Variants in ADGRG3 observed in about 807,000 individuals in gnomAD.
The protein encoded by ADGRG3 is adhesion G protein-coupled receptor G3.
ADGRG3 carries 39 observed loss-of-function variants against 54.3 expected under a neutral mutation model. The ratio of observed to expected loss-of-function variants is 0.72; its 90% CI spans 0.56 to 0.94. The LOEUF (loss-of-function observed/expected upper bound fraction) is 0.94. Among genes scored for constraint, ADGRG3 ranks in the 40% least tolerant of loss-of-function variants. The pLI, the probability that ADGRG3 is intolerant of heterozygous loss-of-function variation, is 0.00. For missense variants in ADGRG3, 654 were observed against 694.6 expected (o/e 0.94, Z 0.66); for synonymous variants, 312 against 290.0 (o/e 1.08, Z -0.77).
intron 1 of ADGRG3, among the ~76,000 whole-genome samples, chr16:57,669,816 G>A (rs1436487170): frequency 6.6e-6 from 1 of 152,204 alleles, no homozygotes; most frequent in African/African-American, 2.4e-5. Context: ...TGTGGTGGGG[G>A]CTCGCATGTG....
chr16:57,687,355 A>T (rs1364861300), intron 11 of ADGRG3, among the ~76,000 whole-genome samples: 1 of 152,002 alleles, frequency 6.6e-6, no homozygotes, highest in Non-Finnish European at 1.5e-5. Flanking sequence ...GGTTCAAGTA[A>T]TTCTTCTGGT....
Position 57,676,263 on chromosome 16 carries a change from T to C in ADGRG3, c.270T>C (p.Pro90=), listed in dbSNP as rs371122442. Residue 90 remains proline, a synonymous_variant, in exon 3 of 12, where the codon CCT becomes CCC. Coordinates refer to ENST00000333493, the MANE Select transcript of ADGRG3 (RefSeq NM_170776.5). ...GTTTGACGCAGAAGGTGAACACGCC[T>C]TTCCTGAAGGCTTTGGTCCAGAACC... is the stretch of plus-strand genomic sequence containing the variant. The part of the protein sequence containing the change: ...KEGLTQKVNT[P]FLKALVQNLS... The C allele has an allele frequency of 1.4e-5, 22 of 1,614,028 alleles. No individual in the cohort carries two copies. The African/African-American group carries it at 2.7e-4, about 20-fold the overall frequency.
At chr16:57,674,666 A>AT (rs1379662761) in intron 2 of ADGRG3, 13 of 415,366 alleles carry the variant, frequency 3.1e-5, no homozygotes, top group African/African-American at 2.7e-4. Context: ...GCCCAAAAGA[A>AT]TTTAAAACAA....
In ADGRG3 at chr16:57,676,252, G is replaced by A; in HGVS notation, c.259G>A (p.Val87Met). The A allele has an allele frequency of 6.2e-7, 1 of 1,614,092 alleles. No homozygotes were observed. The highest frequency in any genetic ancestry group is 1.1e-5 in the South Asian group (1 of 91,078). Residue 87 changes from valine to methionine, a missense_variant, in exon 3 of 12, where the codon GTG becomes ATG. Physicochemically the swap from Val to Met is conservative, Grantham distance 21. Coordinates refer to ENST00000333493, the MANE Select transcript of ADGRG3 (RefSeq NM_170776.5). The stretch of plus-strand genomic sequence containing the variant: ...GATGAAGGAAGGTTTGACGCAGAAG[G>A]TGAACACGCCTTTCCTGAAGGCTTT... ...HLMKEGLTQK[V>M]NTPFLKALVQ...
chr16:57,677,858 A>T (rs895257551), intron 3 of ADGRG3, among the ~76,000 whole-genome samples: 11 of 152,220 alleles, frequency 7.2e-5, no homozygotes, highest in African/African-American at 2.4e-5. Flanking sequence ...CCAAAAGCAC[A>T]TGCCCTCCAG....
In ADGRG3 at chr16:57,678,525, G is replaced by A. The variant is rs1367856373; in HGVS notation, c.492+209G>A. On this transcript the variant is annotated intron_variant, in intron 4 of 11. Transcript: ENST00000333493. ...GACTCACACTGGTCACACGCTCTCA[G>A]ATGTTTGACCCCCACACATGAGTGC... The A allele has an allele frequency of 2.2e-5, 13 of 585,308 alleles. No homozygotes were observed. In the Admixed American group the frequency reaches 3.3e-4, roughly 15 times the overall value. 36.3% of individuals were successfully genotyped at this position (585,308 alleles called of 1,614,324 possible).
intron 1 of ADGRG3, among the ~76,000 whole-genome samples, chr16:57,670,004 C>T (rs1186357083): frequency 6.6e-6 from 1 of 152,178 alleles, no homozygotes; most frequent in African/African-American, 2.4e-5. Context: ...GGAGTGGCCC[C>T]CTGGGCTTCT....
Position 57,672,414 on chromosome 16 carries a change from T to C in ADGRG3, c.59-907T>C, listed in dbSNP as rs142235615. Among the ~76,000 whole-genome samples the C allele has an allele frequency of 3.2e-3, 485 of 152,348 alleles. 2 individuals are homozygous for C. Among genetic ancestry groups the C allele is most frequent in the Middle Eastern group, 0.01 (3 of 294 alleles). ...AATGATGTACTTATAAATACTTGCATATGCATACCTTCTGCAAAATTTCCA... is the reference window on the plus strand; with the variant it reads ...AATGATGTACTTATAAATACTTGCACATGCATACCTTCTGCAAAATTTCCA... On this transcript the variant is annotated intron_variant, in intron 1 of 11. Coordinates refer to ENST00000333493, the MANE Select transcript of ADGRG3 (RefSeq NM_170776.5).
rs765405508 is a variant in ADGRG3, at chr16:57,678,219, G to A, written c.395G>A (p.Arg132Gln). ...GAGGACAAGCCCCCTGACAGAGTGC[G>A]ACTTCCCAAGAGCCTTTTTCGATCC... ...KDEDKPPDRV[R>Q]LPKSLFRSLP... is the part of the protein sequence containing the mutation. Residue 132 changes from arginine to glutamine, a missense_variant, in exon 4 of 12, where the codon CGA (arginine) becomes CAA (glutamine). Transcript: ENST00000333493. 6.2e-6 allele frequency: 10 copies of A among 1,614,206 alleles called. No homozygotes were observed. Among genetic ancestry groups the A allele is most frequent in the Admixed American group, 1.7e-5 (1 of 60,024 alleles).
At chr16:57,668,688 C>G (rs2048096375) in intron 1 of ADGRG3, among the ~76,000 whole-genome samples, 1 of 152,186 alleles carries the variant, frequency 6.6e-6, no homozygotes, top group South Asian at 2.1e-4. Context: ...CTCCCTGACT[C>G]CCCAACCTGG....
At chr16:57,671,288 C>A (rs1328671225) in intron 1 of ADGRG3, among the ~76,000 whole-genome samples, 2 of 151,374 alleles carry the variant, frequency 1.3e-5, no homozygotes, top group East Asian at 3.9e-4. Flanking sequence ...TTCAATAATA[C>A]CCGGCAGTTT....
At chr16:57,680,466 C>A in intron 7 of ADGRG3, 39 bp from the exon 8 acceptor site, 1 of 1,585,908 alleles carries the variant, frequency 6.3e-7, no homozygotes, top group Non-Finnish European at 8.7e-7. Flanking sequence ...TGGGCCTGGC[C>A]TCCAACTGAC....
intron 3 of ADGRG3, among the ~76,000 whole-genome samples, chr16:57,677,674 C>T (rs1161248496): frequency 1.3e-5 from 2 of 151,998 alleles, no homozygotes; most frequent in Admixed American, 6.5e-5. Context: ...TGTTGTTGGG[C>T]GGGGAGGATT....
In ADGRG3 at chr16:57,688,757, T is replaced by TA; in HGVS notation, c.*296_*297insA. 3.1e-6 allele frequency: 1 copy of TA among 318,794 alleles called. No individual in the cohort carries two copies. Among genetic ancestry groups the TA allele is most frequent in the Non-Finnish European group, 6.0e-6 (1 of 166,544 alleles). 19.7% of individuals were successfully genotyped at this position (318,794 alleles called of 1,614,324 possible). ...CCTGCCCTCATTGCAAAGCCCTCAC[T>TA]CACCTTCTGGTCTCAGCAAGGGAGG... On this transcript the variant is annotated 3_prime_UTR_variant, in exon 12 of 12. Coordinates refer to ENST00000333493, the MANE Select transcript of ADGRG3 (RefSeq NM_170776.5).
intron 11 of ADGRG3, among the ~76,000 whole-genome samples, chr16:57,686,407 T>TGAGGATCCACTCC (rs1555570903): frequency 6.6e-6 from 1 of 152,052 alleles, no homozygotes; most frequent in African/African-American, 2.4e-5. Flanking sequence ...AAGCCATGCA[T>TGAGGATCCACTCC]GAGGATCCGC....
rs746383324 is a variant in ADGRG3 at position 57,679,267 on chromosome 16, G to A, written c.583G>A (p.Ala195Thr). 2 of 1,614,012 alleles carry A rather than the reference G, an allele frequency of 1.2e-6. No individual in the cohort carries two copies. Among genetic ancestry groups the A allele is most frequent in the Non-Finnish European group, 1.7e-6 (2 of 1,179,942 alleles). ...GGGACAAATGCATGTCACCAAGCTGGCTGAGCCTCTGGAGATCGTCTTCTC... is the reference window on the plus strand; with the variant it reads ...GGGACAAATGCATGTCACCAAGCTGACTGAGCCTCTGGAGATCGTCTTCTC... The part of the protein sequence containing the change: ...SVGQMHVTKL[A>T]EPLEIVFSHQ... Residue 195 changes from alanine (A) to threonine (T), a missense_variant, in exon 5 of 12, where the codon GCT (alanine) becomes ACT (threonine). Transcript: ENST00000333493.
chr16:57,679,417 C>A, intron 5 of ADGRG3, 106 bp downstream of exon 5: 1 of 1,260,514 alleles, frequency 7.9e-7, no homozygotes, highest in Non-Finnish European at 1.1e-6. Context: ...GTCCCCTACC[C>A]TTCCACAGTC....
intron 11 of ADGRG3, among the ~76,000 whole-genome samples, chr16:57,686,307 A>G (rs889633309): frequency 6.6e-6 from 1 of 152,110 alleles, no homozygotes; most frequent in African/African-American, 2.4e-5. Flanking sequence ...AGTGGGAGCA[A>G]GGGAGTGGGG....
intron 2 of ADGRG3, 50 bp downstream of exon 2, chr16:57,673,518 G>A (rs1295373422): frequency 1.9e-5 from 29 of 1,551,352 alleles, no homozygotes; most frequent in Non-Finnish European, 2.4e-5. Context: ...GCTGGGAGGA[G>A]GACTATCAGG....
Sources: allele counts gnomAD v4.1 joint callset (sites outside exome capture counted in the v4.1 genomes callset), GRCh38; gene constraint gnomAD v4.1.1; transcripts MANE v1.5; gene names NCBI Gene and HGNC (gene_info 2026-07-23, HGNC 2026-07-21).